Variants in RPSA2 observed in about 807,000 individuals in gnomAD.
The protein encoded by RPSA2 is small ribosomal subunit protein uS2B.
At chr19:23,837,563 T>A in the RPSA2 span, among the ~76,000 whole-genome samples, 4 of 152,226 alleles carry the variant, frequency 2.6e-5, no homozygotes, top group South Asian at 8.3e-4. Flanking sequence ...GTATGGTCAT[T>A]ATCACAATAT....
the RPSA2 span, among the ~76,000 whole-genome samples, chr19:23,862,025 C>A: frequency 6.6e-6 from 1 of 152,004 alleles, no homozygotes; most frequent in East Asian, 1.9e-4. Context: ...AATGTTCTTC[C>A]ATTTCTTTGT....
chr19:23,764,640 C>T, the RPSA2 span, among the ~76,000 whole-genome samples: 1 of 151,950 alleles, frequency 6.6e-6, no homozygotes, highest in Non-Finnish European at 1.5e-5. Flanking sequence ...CCACTGTGCC[C>T]TGCTAATTTT....
chr19:23,779,854 G>A, the RPSA2 span, among the ~76,000 whole-genome samples: 1 of 152,178 alleles, frequency 6.6e-6, no homozygotes, highest in African/African-American at 2.4e-5. Context: ...TCTTCTGAAT[G>A]TGCATAACTT....
the RPSA2 span, among the ~76,000 whole-genome samples, chr19:23,831,301 T>C: frequency 3.4e-4 from 52 of 152,326 alleles, 1 homozygote; most frequent in Middle Eastern, 0.031. Flanking sequence ...CTTCTGAAGG[T>C]ACTACGTTAT....
the RPSA2 span, chr19:23,833,210 G>C: frequency 8.5e-7 from 1 of 1,178,654 alleles, no homozygotes; most frequent in East Asian, 5.4e-5. Context: ...ATTTATACTT[G>C]AAAGCAACCC....
chr19:23,833,111 A>C, the RPSA2 span: 32 of 1,244,450 alleles, frequency 2.6e-5, no homozygotes, highest in Non-Finnish European at 2.8e-5. Context: ...ACTAAACATA[A>C]GGTAATTCTT....
the RPSA2 span, among the ~76,000 whole-genome samples, chr19:23,812,438 T>A: frequency 0.015 from 2,231 of 150,888 alleles, 71 homozygotes; most frequent in African/African-American, 0.051. Flanking sequence ...CTCTTGTTGC[T>A]GAGGCTGGAG....
At chr19:23,855,368 A>C in the RPSA2 span, among the ~76,000 whole-genome samples, 1 of 152,220 alleles carries the variant, frequency 6.6e-6, no homozygotes, top group Non-Finnish European at 1.5e-5. Flanking sequence ...AGTCTGTAAT[A>C]CCATTTTAGC....
At chr19:23,806,197 A>G in the RPSA2 span, among the ~76,000 whole-genome samples, 1 of 151,886 alleles carries the variant, frequency 6.6e-6, no homozygotes, top group African/African-American at 2.4e-5. Flanking sequence ...AGCATGCATC[A>G]TCACACTCAG....
At chr19:23,830,843 T>C in the RPSA2 span, among the ~76,000 whole-genome samples, 1 of 152,156 alleles carries the variant, frequency 6.6e-6, no homozygotes, top group Non-Finnish European at 1.5e-5. Context: ...GTATATTTTA[T>C]CTTTGATTGT....
chr19:23,868,315 C>G, the RPSA2 span, among the ~76,000 whole-genome samples: 1 of 152,152 alleles, frequency 6.6e-6, no homozygotes, highest in Non-Finnish European at 1.5e-5. Flanking sequence ...GTGAGACATC[C>G]GGTCATGTAT....
the RPSA2 span, among the ~76,000 whole-genome samples, chr19:23,841,169 G>T: frequency 6.6e-6 from 1 of 152,044 alleles, no homozygotes; most frequent in South Asian, 2.1e-4. Context: ...TGGTTAACGT[G>T]TTTTCTCAAG....
At chr19:23,850,428 A>T in the RPSA2 span, among the ~76,000 whole-genome samples, 1 of 33,748 alleles carries the variant, frequency 3.0e-5, no homozygotes, top group Non-Finnish European at 7.2e-5. Context: ...GAGAAGTGGG[A>T]TTAGTTAGAG....
the RPSA2 span, among the ~76,000 whole-genome samples, chr19:23,845,381 G>A: frequency 6.6e-6 from 1 of 150,580 alleles, no homozygotes; most frequent in Non-Finnish European, 1.5e-5. Context: ...CTTTTTTGAT[G>A]CAGACATTTA....
the RPSA2 span, among the ~76,000 whole-genome samples, chr19:23,858,203 TTGTTG>T: frequency 7.5e-5 from 11 of 146,170 alleles, no homozygotes; most frequent in African/African-American, 2.5e-4. Context: ...TATTTTTTCT[TTGTTG>T]TGTTGGTCAT....
At chr19:23,866,857 G>A in the RPSA2 span, among the ~76,000 whole-genome samples, 1 of 152,184 alleles carries the variant, frequency 6.6e-6, no homozygotes, top group African/African-American at 2.4e-5. Flanking sequence ...TTTGCCAGCA[G>A]AATACATGGG....
the RPSA2 span, among the ~76,000 whole-genome samples, chr19:23,834,143 C>A: frequency 1.3e-5 from 2 of 151,534 alleles, no homozygotes; most frequent in Admixed American, 6.6e-5. Context: ...CAGAGTGCTG[C>A]GTATAAAAAA....
the RPSA2 span, among the ~76,000 whole-genome samples, chr19:23,854,332 A>G: frequency 6.6e-4 from 101 of 152,296 alleles, no homozygotes; most frequent in African/African-American, 2.1e-3. Context: ...AATTTAGAGG[A>G]ATGGTACTAC....
chr19:23,797,462 A>C, the RPSA2 span, among the ~76,000 whole-genome samples: 2 of 152,094 alleles, frequency 1.3e-5, no homozygotes, highest in African/African-American at 4.8e-5. Flanking sequence ...TTTTTGCCTT[A>C]ATTTCATTAT....
Sources: gnomAD v4.1 joint callset for allele counts (sites outside exome capture counted in the v4.1 genomes callset) on GRCh38, gnomAD v4.1.1 for gene constraint, MANE v1.5 for transcripts, NCBI Gene and HGNC (gene_info 2026-07-23, HGNC 2026-07-21) for gene names.